The following TMEM232 variants were observed in gnomAD, a reference collection of about 807,000 sequenced individuals.
The protein encoded by TMEM232 is transmembrane protein 232.
TMEM232 carries 80 observed loss-of-function variants against 78.8 expected under a neutral mutation model. The ratio of observed to expected loss-of-function variants is 1.01; its 90% CI spans 0.85 to 1.22. The LOEUF is 1.22. TMEM232 is among the 50% of genes most tolerant of loss of function. The pLI is 0.00. For missense variants in TMEM232, 881 were observed against 742.2 expected, an observed-to-expected ratio of 1.19 and a Z score of -2.17; for synonymous variants, 297 against 254.3, an observed-to-expected ratio of 1.17 and a Z score of -1.60.
chr5:110,437,470 T>C (rs769126448), intron 12 of TMEM232, among the ~76,000 whole-genome samples: 87 of 152,026 alleles, frequency 5.7e-4, no homozygotes, highest in Non-Finnish European at 8.7e-4. Context: ...AGTTGTTCCT[T>C]CTGTAAGGAA....
chr5:110,613,672 C>T (rs1782582342), intron 8 of TMEM232, among the ~76,000 whole-genome samples: 1 of 152,078 alleles, frequency 6.6e-6, no homozygotes, highest in African/African-American at 2.4e-5. Flanking sequence ...CTTTTTCATT[C>T]TGAATACATG....
chr5:110,514,838 A>G (rs1328979367), intron 12 of TMEM232, among the ~76,000 whole-genome samples: 2 of 152,206 alleles, frequency 1.3e-5, no homozygotes, highest in Non-Finnish European at 2.9e-5. Context: ...GACTTACTAG[A>G]AAGTGACTCT....
At chr5:110,510,637 T>C (rs1767610464) in intron 12 of TMEM232, among the ~76,000 whole-genome samples, 1 of 152,020 alleles carries the variant, frequency 6.6e-6, no homozygotes, top group Non-Finnish European at 1.5e-5. Context: ...GGGAAAAGGA[T>C]ATGAACAGAC....
Position 110,528,617 on chromosome 5 carries a change from C to T in TMEM232, c.1674G>A (p.Val558=), listed in dbSNP as rs1770955705. 2.0e-6 allele frequency: 3 copies of T among 1,530,420 alleles called. No individual in the cohort carries two copies. The highest frequency in any genetic ancestry group is 1.7e-6 in the Non-Finnish European group (2 of 1,144,150). 94.8% of individuals were successfully genotyped at this position (1,530,420 alleles called of 1,614,324 possible). ...TKYPNKKLES[V]KKQVLHFTVR... is the part of the protein sequence containing the mutation. ...CAGTGAAATGTAGAACTTGCTTTTT[C>T]ACAGACTCCAGCTTTTTATTTGGAT... Residue 558 remains valine (V), a synonymous_variant, in exon 12 of 14, where the codon GTG becomes GTA. Transcript: ENST00000455884.
chr5:110,417,716 T>C (rs1756293562), downstream of TMEM232: 2 of 150,336 alleles, frequency 1.3e-5, no homozygotes, highest in South Asian at 4.2e-4. Flanking sequence ...TTTTATTGAA[T>C]GGTCTGATAA....
rs62376082 is a variant in TMEM232, at chr5:110,518,862, A to T, written c.1703+9726T>A. 8.8e-3 allele frequency among the ~76,000 whole-genome samples: 1,333 copies of T among 152,334 alleles called. 17 individuals are homozygous for T. Among genetic ancestry groups the T allele is most frequent in the Non-Finnish European group, 0.015 (998 of 68,020 alleles). On this transcript the variant is annotated intron_variant, in intron 12 of 13. Transcript: ENST00000455884. ...CAAGAAATTAGAAAATGAACCACAA[A>T]ATAGACCAAAGAAGTAACAAACTCA...
At chr5:110,474,482 C>G (rs1277282955) in intron 12 of TMEM232, among the ~76,000 whole-genome samples, 1 of 151,582 alleles carries the variant, frequency 6.6e-6, no homozygotes, top group Non-Finnish European at 1.5e-5. Flanking sequence ...CAGACCTTTA[C>G]CCATGATATT....
In TMEM232 at chr5:110,560,287, T is replaced by A. The variant is rs1775590932; in HGVS notation, c.1455+8160A>T. 2.6e-5 allele frequency among the ~76,000 whole-genome samples: 4 copies of A among 152,150 alleles called. No individual in the cohort carries two copies. The South Asian group carries it at 8.3e-4, about 32-fold the overall frequency. On this transcript the variant is annotated intron_variant, in intron 11 of 13. Coordinates refer to ENST00000455884, the MANE Select transcript of TMEM232 (RefSeq NM_001039763.4). ...GATTGGACCATATAAATTACAGTTT[T>A]GGACAACAAAAGCCATTTGAATATC... is the stretch of plus-strand genomic sequence containing the variant.
intron 12 of TMEM232, among the ~76,000 whole-genome samples, chr5:110,500,852 CA>C (rs1766189214): frequency 6.6e-6 from 1 of 152,076 alleles, no homozygotes; most frequent in Non-Finnish European, 1.5e-5. Context: ...GCTGAAATGA[CA>C]AGAAAATTTG....
At chr5:110,438,198 C>G (rs1287579127) in intron 12 of TMEM232, among the ~76,000 whole-genome samples, 1 of 151,938 alleles carries the variant, frequency 6.6e-6, no homozygotes, top group African/African-American at 2.4e-5. Flanking sequence ...AAATTCAACT[C>G]CAAACCTGCT....
chr5:110,587,791 T>C (rs1779038506), intron 10 of TMEM232, among the ~76,000 whole-genome samples: 1 of 146,086 alleles, frequency 6.8e-6, no homozygotes, highest in Admixed American at 7.1e-5. Context: ...ATCTGTCAAT[T>C]ATACCTCAAT....
At chr5:110,526,024 C>G (rs1581081067) in intron 12 of TMEM232, among the ~76,000 whole-genome samples, 1 of 82,824 alleles carries the variant, frequency 1.2e-5, no homozygotes, top group African/African-American at 7.9e-5. Context: ...ACACCATACA[C>G]CAAAAAAAAA....
intron 12 of TMEM232, among the ~76,000 whole-genome samples, chr5:110,491,956 T>C (rs1236194433): frequency 6.6e-6 from 1 of 151,778 alleles, no homozygotes; most frequent in African/African-American, 2.4e-5. Context: ...AATAGACAAA[T>C]TACTTAAAAA....
intron 1 of TMEM232, among the ~76,000 whole-genome samples, chr5:110,719,172 T>C (rs1797323658): frequency 6.6e-6 from 1 of 151,920 alleles, no homozygotes; most frequent in Non-Finnish European, 1.5e-5. Flanking sequence ...TGTGTGTATA[T>C]ACATATGTAT....
At chr5:110,509,031 T>C (rs898077905) in intron 12 of TMEM232, among the ~76,000 whole-genome samples, 6 of 145,842 alleles carry the variant, frequency 4.1e-5, no homozygotes, top group African/African-American at 1.5e-4. Context: ...CAATTATATA[T>C]ACACACACAT....
chr5:110,645,448 C>T (rs1338577342), intron 2 of TMEM232, among the ~76,000 whole-genome samples: 1 of 143,688 alleles, frequency 7.0e-6, no homozygotes, highest in Non-Finnish European at 1.5e-5. Context: ...TGTAATATAC[C>T]ATATTACCAA....
intron 7 of TMEM232, among the ~76,000 whole-genome samples, chr5:110,618,837 G>T (rs1223207596): frequency 6.6e-6 from 1 of 152,124 alleles, no homozygotes; most frequent in Non-Finnish European, 1.5e-5. Context: ...TCACATAAGG[G>T]ATAGCTATTA....
chr5:110,502,070 TTTTG>T (rs140259266), intron 12 of TMEM232, among the ~76,000 whole-genome samples: 2,934 of 152,286 alleles, frequency 0.019, 102 homozygotes, highest in African/African-American at 0.066. Context: ...TTTGGTTTTG[TTTTG>T]TTTGTTATAA....
At chr5:110,525,760 C>T (rs1770490187) in intron 12 of TMEM232, among the ~76,000 whole-genome samples, 1 of 150,392 alleles carries the variant, frequency 6.6e-6, no homozygotes, top group East Asian at 2.0e-4. Flanking sequence ...TAGAACTAGC[C>T]CAATTACATA....
Sources: gnomAD v4.1 joint callset for allele counts (sites outside exome capture counted in the v4.1 genomes callset) on GRCh38, gnomAD v4.1.1 for gene constraint, MANE v1.5 for transcripts, NCBI Gene and HGNC (gene_info 2026-07-23, HGNC 2026-07-21) for gene names.